Variants in TDRD7 observed in about 807,000 individuals in gnomAD.
The protein encoded by TDRD7 is tudor domain containing 7, also known as tudor domain-containing protein 7.
A neutral mutation model predicts 109.8 loss-of-function variants in TDRD7; 47 were observed. The observed-to-expected ratio is 0.43, with a 90% CI of 0.34 to 0.55. The LOEUF (loss-of-function observed/expected upper bound fraction) is 0.55. TDRD7 is among the 20% of genes least tolerant of loss of function. The pLI, the probability that TDRD7 is intolerant of heterozygous loss-of-function variation, is 0.03. For synonymous variants in TDRD7, 424 were observed against 457.3 expected (o/e 0.93, Z 0.93); for missense variants, 1,164 against 1,319.2 (o/e 0.88, Z 1.82).
At chr9:97,441,358 A>G (rs1199890842) in intron 5 of TDRD7, among the ~76,000 whole-genome samples, 3 of 152,156 alleles carry the variant, frequency 2.0e-5, no homozygotes, top group Admixed American at 2.0e-4. Context: ...TAATTTAATT[A>G]TTCTTTATGT....
Position 97,438,614 on chromosome 9 carries a change from A to G in TDRD7, c.564-631A>G, listed in dbSNP as rs1828244119. On this transcript the variant is annotated intron_variant, in intron 4 of 16. Transcript: ENST00000355295. ...GTGGGGTTTATTTATGTGTCTTCAT[A>G]TTTGGAAAAATCTTCCTACATATAT... 7.2e-5 allele frequency among the ~76,000 whole-genome samples: 11 copies of G among 152,284 alleles called. No homozygotes were observed. In the South Asian group the frequency reaches 2.3e-3, roughly 32 times the overall value.
At chr9:97,429,489 A>G (rs953933747) in intron 2 of TDRD7, among the ~76,000 whole-genome samples, 5 of 152,192 alleles carry the variant, frequency 3.3e-5, no homozygotes, top group Admixed American at 2.0e-4. Context: ...AAAACCTGAC[A>G]TAGTGGTTTT....
At chr9:97,443,497 GTTCAGTTCAGTTTTTTCCAGTTTTT>G (rs1828348130) in intron 6 of TDRD7, among the ~76,000 whole-genome samples, 1 of 152,156 alleles carries the variant, frequency 6.6e-6, no homozygotes, top group African/African-American at 2.4e-5. Context: ...TACTTTTTCA[GTTCAGTTCAGTTTTTTCCAGTTTTT>G]TTCAGTTCAG....
chr9:97,418,048 C>T (rs1012178179), intron 1 of TDRD7, among the ~76,000 whole-genome samples: 4 of 152,170 alleles, frequency 2.6e-5, no homozygotes, highest in African/African-American at 9.7e-5. Context: ...TTGCTTCAAC[C>T]TAGGAGGCAG....
intron 5 of TDRD7, among the ~76,000 whole-genome samples, chr9:97,439,658 G>T (rs989384527): frequency 6.6e-6 from 1 of 152,102 alleles, no homozygotes; most frequent in Non-Finnish European, 1.5e-5. Context: ...TCACATAAAG[G>T]AAACATCTGC....
rs1261629942 is a variant in TDRD7, at chr9:97,412,194, C to G, written c.-51C>G. The G allele has an allele frequency of 2.0e-5, 3 of 153,102 alleles. No homozygotes were observed. The highest frequency in any genetic ancestry group is 4.8e-5 in the African/African-American group (2 of 41,444). 9.5% of individuals were successfully genotyped at this position (153,102 alleles called of 1,614,324 possible). A position where few individuals can be genotyped will look rare whatever the true frequency, so the allele number is the denominator to read the frequency against. ...CCCCTGGCGGAGACGGCGGCAGGAG[C>G]TGGGCCCAGAGACGCGGGGACGGGC... On this transcript the variant is annotated 5_prime_UTR_variant, in exon 1 of 17. Transcript: ENST00000355295. The surrounding 1 kb of genome is among the most constrained non-coding windows in gnomAD (Gnocchi z 4.3).
rs999670639 is a variant in TDRD7, at chr9:97,412,628, A to G, written c.-7+390A>G. ...AAGTGGTTCCCGCTACCGGCGCGAC[A>G]GGCCGCAGCCGCCGCCCCCAGCGAG... On this transcript the variant is annotated intron_variant, in intron 1 of 16. Transcript: ENST00000355295. The surrounding 1 kb of genome is among the most constrained non-coding windows in gnomAD (Gnocchi z 4.3). 6.6e-6 allele frequency among the ~76,000 whole-genome samples: 1 copy of G among 152,198 alleles called. No homozygotes were observed. Among genetic ancestry groups the G allele is most frequent in the African/African-American group, 2.4e-5 (1 of 41,460 alleles).
At chr9:97,433,347 G>T (rs931949739) in intron 4 of TDRD7, among the ~76,000 whole-genome samples, 2 of 151,096 alleles carry the variant, frequency 1.3e-5, no homozygotes, top group African/African-American at 4.9e-5. Context: ...TTTTTATAAG[G>T]TCTAGAAAAT....
intron 13 of TDRD7, among the ~76,000 whole-genome samples, chr9:97,479,250 A>C (rs1260874059): frequency 6.6e-6 from 1 of 152,160 alleles, no homozygotes; most frequent in African/African-American, 2.4e-5. Context: ...CATAATTAGC[A>C]TGGCTTTTGA....
At chr9:97,479,753 A>AT (rs1829083515) in intron 13 of TDRD7, among the ~76,000 whole-genome samples, 1 of 152,190 alleles carries the variant, frequency 6.6e-6, no homozygotes, top group African/African-American at 2.4e-5. Context: ...CTCTTACAGT[A>AT]TTTTAAAAAT....
intron 15 of TDRD7, among the ~76,000 whole-genome samples, chr9:97,484,489 CACA>C (rs1829177696): frequency 6.6e-6 from 1 of 150,804 alleles, no homozygotes; most frequent in Non-Finnish European, 1.5e-5. Context: ...CACACACACA[CACA>C]CCCCAAAACT....
chr9:97,472,619 AGGAG>A, intron 10 of TDRD7, 124 bp downstream of exon 10: 1 of 857,408 alleles, frequency 1.2e-6, no homozygotes, highest in Admixed American at 2.0e-5. Flanking sequence ...AGGGGAAAAA[AGGAG>A]GGAGTGGGGC....
In TDRD7 at chr9:97,472,477, A is replaced by G. The variant is rs1190469576; in HGVS notation, c.1926A>G (p.Ser642=). ...ATCLKAICDK[S]LEVHLQVDAM... ...GCTTGAAGGCTATATGTGACAAGTC[A>G]CTAGAGGTTCACCTGCAGGTACCAC... Residue 642 remains serine (S), a synonymous_variant, in exon 10 of 17, where the codon TCA becomes TCG. Coordinates refer to ENST00000355295, the MANE Select transcript of TDRD7 (RefSeq NM_014290.3). 1.9e-6 allele frequency: 3 copies of G among 1,613,668 alleles called. No homozygotes were observed. The African/African-American group carries it at 4.0e-5, about 22-fold the overall frequency.
At chr9:97,426,752 A>G (rs1376080684) in intron 1 of TDRD7, among the ~76,000 whole-genome samples, 1 of 152,158 alleles carries the variant, frequency 6.6e-6, no homozygotes, top group Non-Finnish European at 1.5e-5. Context: ...GACTATGTAG[A>G]TTTTTGTTTG....
At position 97,473,565 on chromosome 9, in the gene TDRD7, G is replaced by C; in HGVS notation, c.2018G>C (p.Cys673Ser). The C allele has an allele frequency of 6.2e-7, 1 of 1,613,858 alleles. No individual in the cohort carries two copies. Among genetic ancestry groups the C allele is most frequent in the East Asian group, 2.2e-5 (1 of 44,868 alleles). ...SDGTLYCQVP[C>S]KGLNKLSDLL... ...GGGACACTCTACTGCCAGGTGCCTT[G>C]TAAGGGTCTGAACAAGCTCAGTGAC... The change falls in exon 11 of 17, where the codon TGT becomes TCT. Residue 673 changes from cysteine to serine, a missense_variant. Coordinates refer to ENST00000355295, the MANE Select transcript of TDRD7 (RefSeq NM_014290.3).
Position 97,432,061 on chromosome 9 carries a change from C to T in TDRD7, c.386C>T (p.Ala129Val). The change falls in exon 4 of 17, where the codon GCT (alanine) becomes GTT (valine). Residue 129 changes from alanine to valine, a missense_variant. Coordinates refer to ENST00000355295, the MANE Select transcript of TDRD7 (RefSeq NM_014290.3). Reference sequence around the variant, plus strand: ...GCAACCCTCAGACAACCAGGATTTGCTTCAAATTTTTCTGTTGGCAAAAAA... The same window carrying T: ...GCAACCCTCAGACAACCAGGATTTGTTTCAAATTTTTCTGTTGGCAAAAAA... ...PKATLRQPGF[A>V]SNFSVGKKPN... 2 of 1,613,796 alleles carry T rather than the reference C, an allele frequency of 1.2e-6. No individual in the cohort carries two copies. Among genetic ancestry groups the T allele is most frequent in the East Asian group, 2.2e-5 (1 of 44,874 alleles).
chr9:97,491,683 G>A (rs538660860), intron 16 of TDRD7, among the ~76,000 whole-genome samples: 30 of 152,300 alleles, frequency 2.0e-4, no homozygotes, highest in African/African-American at 7.2e-4. Flanking sequence ...GGCTAGAGGG[G>A]AGTGGAGTTG....
chr9:97,488,371 T>C (rs1829246916), intron 16 of TDRD7, among the ~76,000 whole-genome samples: 1 of 152,246 alleles, frequency 6.6e-6, no homozygotes, highest in Non-Finnish European at 1.5e-5. Flanking sequence ...CTTTTACTTA[T>C]TGATCAGCTT....
At chr9:97,489,204 A>T (rs963195934) in intron 16 of TDRD7, among the ~76,000 whole-genome samples, 2 of 152,156 alleles carry the variant, frequency 1.3e-5, no homozygotes, top group African/African-American at 4.8e-5. Flanking sequence ...ACTTATTTTT[A>T]TGCCTTCTGG....
Sources: gnomAD v4.1 joint callset for allele counts (sites outside exome capture counted in the v4.1 genomes callset) on GRCh38, gnomAD v4.1.1 for gene constraint, Gnocchi (gnomAD v3.1) non-coding constraint, MANE v1.5 for transcripts, NCBI Gene and HGNC (gene_info 2026-07-23, HGNC 2026-07-21) for gene names.